The following TANGO6 variants were observed in gnomAD, a reference collection of about 807,000 sequenced individuals.
TANGO6 encodes the protein transport and golgi organization 6 homolog, also known as transport and Golgi organization protein 6 homolog.
A neutral mutation model predicts 114.2 loss-of-function variants in TANGO6; 90 were observed. That is an observed-to-expected ratio of 0.79 (90% CI 0.66 to 0.94). TANGO6 has a LOEUF of 0.94. Among genes scored for constraint, TANGO6 ranks in the 40% least tolerant of loss-of-function variants. TANGO6 has a pLI of 0.00. For synonymous variants in TANGO6, 477 were observed against 509.8 expected (o/e 0.94, Z 0.87); for missense variants, 1,274 against 1,315.3 (o/e 0.97, Z 0.49).
intron 16 of TANGO6, among the ~76,000 whole-genome samples, chr16:69,031,750 C>G (rs1011555705): frequency 6.6e-6 from 1 of 151,628 alleles, no homozygotes; most frequent in African/African-American, 2.4e-5. Flanking sequence ...CTCCACCTCC[C>G]GGGTTCAAGC....
intron 17 of TANGO6, among the ~76,000 whole-genome samples, chr16:69,052,294 G>C (rs914197229): frequency 1.4e-5 from 2 of 146,300 alleles, no homozygotes; most frequent in African/African-American, 5.1e-5. Flanking sequence ...TTGGAGACAG[G>C]GTCTTGCTCT....
chr16:68,916,457 C>T (rs112122773), intron 11 of TANGO6, among the ~76,000 whole-genome samples: 218 of 152,028 alleles, frequency 1.4e-3, no homozygotes, highest in Non-Finnish European at 2.2e-3. Context: ...GCCCCTCTCC[C>T]CCTCCCGCCC....
chr16:68,961,854 A>G (rs962908269), intron 14 of TANGO6, among the ~76,000 whole-genome samples: 1 of 152,188 alleles, frequency 6.6e-6, no homozygotes, highest in Admixed American at 6.5e-5. Flanking sequence ...ACCAATCTGT[A>G]ATTGTCCTCT....
At chr16:68,847,873 G>A (rs1462991563) in intron 1 of TANGO6, among the ~76,000 whole-genome samples, 3 of 152,004 alleles carry the variant, frequency 2.0e-5, no homozygotes, top group South Asian at 2.1e-4. Flanking sequence ...GGTGGCATGC[G>A]CCGGTAGTCC....
At chr16:68,951,649 A>G (rs1278113232) in intron 14 of TANGO6, among the ~76,000 whole-genome samples, 3 of 135,704 alleles carry the variant, frequency 2.2e-5, no homozygotes, top group African/African-American at 8.5e-5. Flanking sequence ...GTCTCGCTCT[A>G]TCGCCTAAGC....
intron 14 of TANGO6, among the ~76,000 whole-genome samples, chr16:68,949,208 G>GAAATAAAT (rs906505552): frequency 4.6e-5 from 7 of 152,160 alleles, no homozygotes; most frequent in African/African-American, 1.4e-4. Flanking sequence ...AAGAAAGAAA[G>GAAATAAAT]AAGTCAATCC....
intron 15 of TANGO6, among the ~76,000 whole-genome samples, chr16:68,977,218 C>T (rs1455615251): frequency 6.6e-6 from 1 of 151,992 alleles, no homozygotes. Flanking sequence ...GGTGACTGTT[C>T]TGGCTAAGGA....
At position 68,914,439 on chromosome 16, in the gene TANGO6, G is replaced by A. The variant is rs1327473216; in HGVS notation, c.1993-4646G>A. Among the ~76,000 whole-genome samples the A allele has an allele frequency of 2.0e-5, 3 of 152,158 alleles. No individual in the cohort carries two copies. The East Asian group carries it at 5.8e-4, about 29-fold the overall frequency. ...GGCCTCCCAAAGTGCTGGGATTACA[G>A]GCATGACCCACCGCGCCTGGACTTA... On this transcript the variant is annotated intron_variant, in intron 11 of 17. Transcript: ENST00000261778.
chr16:69,010,443 A>T lies in TANGO6; in HGVS notation c.2843-12385A>T, dbSNP rs1221587014. On this transcript the variant is annotated intron_variant, in intron 15 of 17. Transcript: ENST00000261778. ...AATTTCACACCCTCCATGATTTGAC[A>T]CCGCCTGTTTCTGATCATGTTCACC... Among the ~76,000 whole-genome samples, 3 of 152,068 alleles carry T rather than the reference A, an allele frequency of 2.0e-5. No homozygotes were observed. In the East Asian group the frequency reaches 5.8e-4, roughly 29 times the overall value.
intron 17 of TANGO6, among the ~76,000 whole-genome samples, chr16:69,070,746 A>ATATTATTATTATTAT (rs145226838): frequency 5.6e-5 from 8 of 141,752 alleles, no homozygotes; most frequent in African/African-American, 1.8e-4. Flanking sequence ...GCAAGAATCA[A>ATATTATTATTATTAT]TATTATTATT....
intron 15 of TANGO6, among the ~76,000 whole-genome samples, chr16:68,986,590 A>T (rs1963892959): frequency 6.6e-6 from 1 of 152,072 alleles, no homozygotes; most frequent in Admixed American, 6.6e-5. Flanking sequence ...TCCAGAATGA[A>T]GCCATAATCC....
At chr16:68,856,911 C>T (rs1039235500) in intron 1 of TANGO6, among the ~76,000 whole-genome samples, 3 of 152,118 alleles carry the variant, frequency 2.0e-5, no homozygotes, top group African/African-American at 7.2e-5. Flanking sequence ...AGATCGAGAC[C>T]GTCCTGGCTA....
intron 15 of TANGO6, among the ~76,000 whole-genome samples, chr16:68,980,409 C>CTCTCTCTCTCTCTCTCTCTCTCTATATA (rs1408626276): frequency 1.2e-4 from 8 of 67,964 alleles, no homozygotes; most frequent in Admixed American, 1.8e-4. Flanking sequence ...CTCTCTCTCT[C>CTCTCTCTCTCTCTCTCTCTCTCTATATA]TATATATATA....
chr16:68,887,828 G>A (rs1487023522), intron 7 of TANGO6, among the ~76,000 whole-genome samples: 1 of 152,090 alleles, frequency 6.6e-6, no homozygotes, highest in Non-Finnish European at 1.5e-5. Context: ...GCAGTGAGCC[G>A]AGATCATGCC....
intron 12 of TANGO6, among the ~76,000 whole-genome samples, chr16:68,925,550 A>G (rs1204472660): frequency 6.6e-6 from 1 of 152,056 alleles, no homozygotes; most frequent in East Asian, 1.9e-4. Context: ...ATTTTCTCTC[A>G]TTCTGTAGTT....
At chr16:69,012,556 C>CAAAAAAAAAAAAAAAAAAAAAAAAAAAAA (rs1175561720) in intron 15 of TANGO6, among the ~76,000 whole-genome samples, 1 of 36,506 alleles carries the variant, frequency 2.7e-5, no homozygotes, top group Non-Finnish European at 5.0e-5. Flanking sequence ...AACTCTGTCT[C>CAAAAAAAAAAAAAAAAAAAAAAAAAAAAA]AAAAAAAAAA....
At chr16:68,933,682 C>G (rs1280677892) in intron 14 of TANGO6, 1 of 152,206 alleles carries the variant, frequency 6.6e-6, no homozygotes. Context: ...CTCCTCAGGC[C>G]TGACTCGGAG....
intron 11 of TANGO6, among the ~76,000 whole-genome samples, chr16:68,911,858 A>G (rs978787463): frequency 6.6e-6 from 1 of 152,246 alleles, no homozygotes; most frequent in Non-Finnish European, 1.5e-5. Flanking sequence ...CAAGGAAGCG[A>G]CCTGAGATGA....
intron 4 of TANGO6, among the ~76,000 whole-genome samples, chr16:68,869,350 C>A (rs969950937): frequency 6.6e-6 from 1 of 152,138 alleles, no homozygotes; most frequent in Non-Finnish European, 1.5e-5. Context: ...TGGTGGTGCG[C>A]ACCTATGGTT....
Sources: gnomAD v4.1 joint callset for allele counts (sites outside exome capture counted in the v4.1 genomes callset) on GRCh38, gnomAD v4.1.1 for gene constraint, MANE v1.5 for transcripts, NCBI Gene and HGNC (gene_info 2026-07-23, HGNC 2026-07-21) for gene names.